TTC7B: variants seen among roughly 807,000 people sequenced by gnomAD.
TTC7B encodes tetratricopeptide repeat domain 7B, also known as tetratricopeptide repeat protein 7B.
In TTC7B, 28 loss-of-function variants were observed where a neutral mutation model predicts 106.8. That is an observed-to-expected ratio of 0.26 (90% confidence interval 0.19 to 0.36). The LOEUF (loss-of-function observed/expected upper bound fraction) is 0.36, where lower values mean the gene tolerates loss of function less well. Among genes scored for constraint, TTC7B ranks in the 10% least tolerant of loss-of-function variants. The pLI is 1.00. For missense variants in TTC7B, 862 were observed against 1,076.4 expected (o/e 0.80, Z 2.79); for synonymous variants, 405 against 430.6 (o/e 0.94, Z 0.74).
intron 19 of TTC7B, among the ~76,000 whole-genome samples, chr14:90,565,960 T>C (rs1429238015): frequency 2.0e-5 from 3 of 152,064 alleles, no homozygotes; most frequent in African/African-American, 7.2e-5. Flanking sequence ...ATATCAAAGA[T>C]CACAACAGAT....
At chr14:90,670,188 G>T (rs1451140405) in intron 9 of TTC7B, among the ~76,000 whole-genome samples, 1 of 152,180 alleles carries the variant, frequency 6.6e-6, no homozygotes, top group Non-Finnish European at 1.5e-5. Flanking sequence ...AATGCCATCA[G>T]ATATATTGTT....
chr14:90,727,889 C>T (rs574627280), intron 5 of TTC7B, among the ~76,000 whole-genome samples: 36 of 152,186 alleles, frequency 2.4e-4, no homozygotes, highest in Admixed American at 9.2e-4. Context: ...CACAAGGAAG[C>T]GTGGGAAGCT....
intron 8 of TTC7B, among the ~76,000 whole-genome samples, chr14:90,678,896 G>A (rs1048958325): frequency 6.6e-6 from 1 of 152,192 alleles, no homozygotes; most frequent in Non-Finnish European, 1.5e-5. Context: ...AAAATGTACA[G>A]TCATCATGCT....
chr14:90,775,362 C>T (rs1566881483), intron 3 of TTC7B, among the ~76,000 whole-genome samples: 1 of 152,130 alleles, frequency 6.6e-6, no homozygotes, highest in Admixed American at 6.5e-5. Flanking sequence ...TTATTATCTC[C>T]ATTTACAGAT....
chr14:90,583,980 C>A (rs1397211778), intron 18 of TTC7B, among the ~76,000 whole-genome samples: 2 of 152,170 alleles, frequency 1.3e-5, no homozygotes, highest in African/African-American at 4.8e-5. Flanking sequence ...CCAGGACCCC[C>A]CAGAAACCCA....
chr14:90,615,902 C>T (rs527922547), intron 16 of TTC7B, among the ~76,000 whole-genome samples: 1 of 152,310 alleles, frequency 6.6e-6, no homozygotes, highest in African/African-American at 2.4e-5. Flanking sequence ...CCCACCCCAT[C>T]CGCCAGTCCC....
intron 8 of TTC7B, among the ~76,000 whole-genome samples, chr14:90,678,380 C>CA (rs1250713039): frequency 6.6e-6 from 1 of 152,192 alleles, no homozygotes; most frequent in African/African-American, 2.4e-5. Flanking sequence ...TCAGTACCAA[C>CA]AAAGAACACA....
intron 5 of TTC7B, among the ~76,000 whole-genome samples, chr14:90,701,214 C>G (rs569127232): frequency 1.2e-4 from 18 of 152,256 alleles, no homozygotes; most frequent in African/African-American, 4.1e-4. Context: ...GATGTCTCAC[C>G]TCAAACCTTA....
At chr14:90,604,081 A>G (rs867734089) in intron 17 of TTC7B, among the ~76,000 whole-genome samples, 2 of 152,336 alleles carry the variant, frequency 1.3e-5, no homozygotes, top group Middle Eastern at 6.8e-3. Flanking sequence ...CAGGACTGCA[A>G]TCTTCAAAGG....
intron 1 of TTC7B, among the ~76,000 whole-genome samples, chr14:90,792,130 T>A (rs2140046713): frequency 6.6e-6 from 1 of 152,236 alleles, no homozygotes; most frequent in Admixed American, 6.5e-5. Context: ...AAATTTTTAT[T>A]TAAACAATGG....
At chr14:90,790,740 T>A (rs1184799702) in intron 1 of TTC7B, among the ~76,000 whole-genome samples, 2 of 151,994 alleles carry the variant, frequency 1.3e-5, no homozygotes, top group African/African-American at 4.8e-5. Flanking sequence ...TGACTTACCC[T>A]CTCAGAGCCA....
At chr14:90,784,528 G>A (rs1014327710) in intron 2 of TTC7B, among the ~76,000 whole-genome samples, 1 of 152,002 alleles carries the variant, frequency 6.6e-6, no homozygotes, top group South Asian at 2.1e-4. Context: ...CTGCACTCTA[G>A]CCTGGGTGAC....
intron 15 of TTC7B, among the ~76,000 whole-genome samples, chr14:90,633,161 AC>A (rs539463837): frequency 6.8e-4 from 104 of 152,350 alleles, no homozygotes; most frequent in Non-Finnish European, 1.3e-3. Flanking sequence ...AACACTTCAA[AC>A]ACTTGTGCAT....
chr14:90,578,479 C>T lies in TTC7B; in HGVS notation c.2108-171G>A, dbSNP rs1278459899. On this transcript the variant is annotated intron_variant, in intron 18 of 19. Coordinates refer to ENST00000328459, the MANE Select transcript of TTC7B (RefSeq NM_001010854.2). The surrounding 1 kb of genome is among the most constrained non-coding windows in gnomAD (Gnocchi z 4.7). ...CCGCTGACAGTCCCTCCTGCCCACTCCTATATGGGGACTGGAGTCACTCGT... is the reference window on the plus strand; with the variant it reads ...CCGCTGACAGTCCCTCCTGCCCACTTCTATATGGGGACTGGAGTCACTCGT... Among the ~76,000 whole-genome samples the T allele has an allele frequency of 6.6e-6, 1 of 152,092 alleles. No homozygotes were observed. The highest frequency in any genetic ancestry group is 1.9e-4 in the East Asian group (1 of 5,162).
intron 13 of TTC7B, 156 bp from the exon 14 acceptor site, chr14:90,647,179 T>TA: frequency 1.5e-6 from 1 of 657,682 alleles, no homozygotes. Context: ...TTTGTCCACC[T>TA]ACACATGTAA....
intron 5 of TTC7B, among the ~76,000 whole-genome samples, chr14:90,696,989 G>C (rs1887778019): frequency 1.3e-5 from 2 of 152,292 alleles, no homozygotes; most frequent in Admixed American, 1.3e-4. Flanking sequence ...TAACACGGCG[G>C]GAAGGAAATA....
At chr14:90,741,124 C>T (rs542052777) in intron 4 of TTC7B, among the ~76,000 whole-genome samples, 45 of 152,274 alleles carry the variant, frequency 3.0e-4, no homozygotes, top group Admixed American at 5.9e-4. Context: ...GTCACTCACC[C>T]GCAGTGCTCT....
At chr14:90,549,375 A>G (rs894937298) in intron 19 of TTC7B, among the ~76,000 whole-genome samples, 2 of 152,188 alleles carry the variant, frequency 1.3e-5, no homozygotes, top group African/African-American at 2.4e-5. Flanking sequence ...AAAGTCATAC[A>G]GCCTCCTCGT....
chr14:90,615,648 G>GC (rs1893039651), intron 16 of TTC7B, among the ~76,000 whole-genome samples: 1 of 152,176 alleles, frequency 6.6e-6, no homozygotes, highest in African/African-American at 2.4e-5. Flanking sequence ...GAAAGACACA[G>GC]CCCTTCCTTC....
Sources: allele counts gnomAD v4.1 joint callset (sites outside exome capture counted in the v4.1 genomes callset), GRCh38; gene constraint gnomAD v4.1.1; non-coding constraint Gnocchi (gnomAD v3.1); transcripts MANE v1.5; gene names NCBI Gene and HGNC (gene_info 2026-07-23, HGNC 2026-07-21).